OPCML: variants seen among roughly 807,000 people sequenced by gnomAD.
The protein encoded by OPCML is opioid-binding protein/cell adhesion molecule.
A neutral mutation model predicts 37.8 loss-of-function variants in OPCML; 13 were observed. The observed-to-expected ratio is 0.34, with a 90% CI of 0.22 to 0.55. The LOEUF (loss-of-function observed/expected upper bound fraction) is 0.55, where lower values mean the gene tolerates loss of function less well. Ranked by LOEUF, OPCML falls within the 20% of genes least tolerant of loss-of-function variation. The pLI, the probability that OPCML is intolerant of heterozygous loss-of-function variation, is 0.91. For missense variants in OPCML, 341 were observed against 435.6 expected, an observed-to-expected ratio of 0.78 and a Z score of 1.93; for synonymous variants, 176 against 168.8, an observed-to-expected ratio of 1.04 and a Z score of -0.33.
intron 1 of OPCML, among the ~76,000 whole-genome samples, chr11:133,190,808 T>C (rs1275874767): frequency 6.6e-6 from 1 of 152,214 alleles, no homozygotes; most frequent in Non-Finnish European, 1.5e-5. Flanking sequence ...TAACATGTAT[T>C]AGTGTTTTAT....
chr11:133,285,852 G>C (rs978870746), intron 1 of OPCML, among the ~76,000 whole-genome samples: 3 of 152,156 alleles, frequency 2.0e-5, no homozygotes, highest in African/African-American at 7.2e-5. Context: ...ATTCTGTAAG[G>C]CTGCAGTACA....
intron 2 of OPCML, among the ~76,000 whole-genome samples, chr11:132,899,114 C>A (rs75125204): frequency 0.012 from 1,885 of 152,232 alleles, 51 homozygotes; most frequent in African/African-American, 0.043. Flanking sequence ...AGGTTCAGGT[C>A]ACCCCACCAG....
chr11:133,005,004 C>A (rs1947079254), intron 1 of OPCML: 1 of 985,286 alleles, frequency 1.0e-6, no homozygotes. Context: ...CTTACTCCTC[C>A]CATCCCTCCT....
intron 1 of OPCML, among the ~76,000 whole-genome samples, chr11:133,086,740 C>G (rs1948824577): frequency 6.6e-6 from 1 of 152,146 alleles, no homozygotes; most frequent in Non-Finnish European, 1.5e-5. Flanking sequence ...ATCTCCCCAT[C>G]CCCCTACACT....
At chr11:132,986,178 T>G (rs1946679190) in intron 1 of OPCML, among the ~76,000 whole-genome samples, 1 of 152,176 alleles carries the variant, frequency 6.6e-6, no homozygotes, top group South Asian at 2.1e-4. Context: ...TCCCATAGCT[T>G]TCCTTGAAAA....
intron 1 of OPCML, among the ~76,000 whole-genome samples, chr11:133,204,884 A>ATATATATGTGTG (rs1555114211): frequency 8.3e-5 from 3 of 36,268 alleles, no homozygotes; most frequent in African/African-American, 2.5e-4. Context: ...ATATATATAT[A>ATATATATGTGTG]TATATATATA....
At chr11:132,533,134 C>T (rs1218976415) in intron 3 of OPCML, among the ~76,000 whole-genome samples, 1 of 152,174 alleles carries the variant, frequency 6.6e-6, no homozygotes, top group Non-Finnish European at 1.5e-5. Context: ...CAGAGTTTAA[C>T]TAAAGGATAA....
intron 1 of OPCML, among the ~76,000 whole-genome samples, chr11:133,227,741 C>A (rs1940098007): frequency 6.6e-6 from 1 of 152,182 alleles, no homozygotes; most frequent in Non-Finnish European, 1.5e-5. Flanking sequence ...CAGAGCAAAG[C>A]CAGACAGCAG....
At chr11:133,403,057 C>T (rs1278029817) in intron 1 of OPCML, among the ~76,000 whole-genome samples, 4 of 152,142 alleles carry the variant, frequency 2.6e-5, no homozygotes, top group Non-Finnish European at 5.9e-5. Flanking sequence ...ACTCTAGGCT[C>T]TATGAGGATA....
Position 132,593,354 on chromosome 11 carries a change from A to G in OPCML, c.379+63733T>C, listed in dbSNP as rs901922706. 2.6e-5 allele frequency among the ~76,000 whole-genome samples: 4 copies of G among 152,314 alleles called. 1 individual carries two copies. The highest frequency in any genetic ancestry group is 9.6e-5 in the African/African-American group (4 of 41,566). On this transcript the variant is annotated intron_variant, in intron 3 of 7. Transcript: ENST00000524381. ...GGGCACCTCACTCGGTTTCCTGTAGACCATGGCAAAGAGCATGCATTGTAT... is the reference window on the plus strand; with the variant it reads ...GGGCACCTCACTCGGTTTCCTGTAGGCCATGGCAAAGAGCATGCATTGTAT...
chr11:132,612,846 G>A (rs923711009), intron 3 of OPCML, among the ~76,000 whole-genome samples: 1 of 152,104 alleles, frequency 6.6e-6, no homozygotes, highest in African/African-American at 2.4e-5. Context: ...CCTATTTTCT[G>A]CTATTCTGTT....
At chr11:133,439,730 G>C (rs1423857134) in intron 1 of OPCML, among the ~76,000 whole-genome samples, 1 of 152,092 alleles carries the variant, frequency 6.6e-6, no homozygotes, top group Non-Finnish European at 1.5e-5. Flanking sequence ...GCCTCCCAAA[G>C]TGCTGGGATT....
intron 1 of OPCML, among the ~76,000 whole-genome samples, chr11:133,156,669 C>A (rs2137204980): frequency 6.6e-6 from 1 of 152,208 alleles, no homozygotes; most frequent in South Asian, 2.1e-4. Flanking sequence ...CACAAGGCTA[C>A]CTATAAAGAA....
chr11:133,203,063 C>A (rs2136322896), intron 1 of OPCML, among the ~76,000 whole-genome samples: 1 of 152,306 alleles, frequency 6.6e-6, no homozygotes, highest in East Asian at 1.9e-4. Flanking sequence ...ATGTCACCAT[C>A]ACACAAACAC....
At chr11:133,006,055 G>A (rs933236421) in intron 1 of OPCML, 58 of 985,316 alleles carry the variant, frequency 5.9e-5, no homozygotes, top group Middle Eastern at 5.2e-4. Context: ...TCCTAAGGGC[G>A]ACCGGGAATG....
intron 2 of OPCML, among the ~76,000 whole-genome samples, chr11:132,936,578 A>G (rs1004782755): frequency 6.6e-6 from 1 of 152,118 alleles, no homozygotes; most frequent in Non-Finnish European, 1.5e-5. Flanking sequence ...GTTTTGTTCA[A>G]GGCTCTGCAG....
chr11:133,367,039 C>T (rs776910871), intron 1 of OPCML, among the ~76,000 whole-genome samples: 45 of 152,188 alleles, frequency 3.0e-4, no homozygotes, highest in African/African-American at 9.6e-4. Flanking sequence ...TGCAGTGGTG[C>T]GGTGTCTCGG....
chr11:132,493,276 A>T (rs982617738), intron 4 of OPCML, among the ~76,000 whole-genome samples: 1 of 152,168 alleles, frequency 6.6e-6, no homozygotes, highest in Non-Finnish European at 1.5e-5. Context: ...GCTCGGGAAG[A>T]GGGAAGAGAA....
intron 1 of OPCML, among the ~76,000 whole-genome samples, chr11:133,240,446 C>G (rs900068461): frequency 6.6e-6 from 1 of 152,108 alleles, no homozygotes. Context: ...ACCAGACACC[C>G]GTGTTAGAGT....
Sources: gnomAD v4.1 joint callset for allele counts (sites outside exome capture counted in the v4.1 genomes callset) on GRCh38, gnomAD v4.1.1 for gene constraint, MANE v1.5 for transcripts, NCBI Gene and HGNC (gene_info 2026-07-23, HGNC 2026-07-21) for gene names.